Variants in PTGR3 observed in about 807,000 individuals in gnomAD.
The protein encoded by PTGR3 is prostaglandin reductase 3, also known as zinc binding alcohol dehydrogenase domain containing 2.
the PTGR3 span, among the ~76,000 whole-genome samples, chr18:75,206,066 CTCTT>C: frequency 1.3e-5 from 2 of 152,194 alleles, no homozygotes; most frequent in Non-Finnish European, 2.9e-5. Flanking sequence ...GTCTCTCTCT[CTCTT>C]TTTCTTTTCT....
At chr18:75,208,111 G>A in the PTGR3 span, among the ~76,000 whole-genome samples, 2 of 152,144 alleles carry the variant, frequency 1.3e-5, no homozygotes, top group South Asian at 4.1e-4. Flanking sequence ...GGGAGCGCGG[G>A]GAATGGAAAA....
the PTGR3 span, chr18:75,205,607 G>T: frequency 1.3e-5 from 7 of 544,466 alleles, no homozygotes; most frequent in Non-Finnish European, 1.6e-5. Context: ...CTGCGCAGGG[G>T]AGAGGAACGC....
chr18:75,204,553 T>A, the PTGR3 span, among the ~76,000 whole-genome samples: 1 of 152,136 alleles, frequency 6.6e-6, no homozygotes, highest in South Asian at 2.1e-4. Flanking sequence ...CGCGTGCCCG[T>A]CCAGGCTCCG....
chr18:75,202,105 C>T, the PTGR3 span: 25 of 1,614,086 alleles, frequency 1.5e-5, no homozygotes, highest in Admixed American at 2.3e-4. Flanking sequence ...GTAAGATACT[C>T]GGGTTTCACT....
the PTGR3 span, among the ~76,000 whole-genome samples, chr18:75,206,968 G>T: frequency 6.6e-6 from 1 of 152,192 alleles, no homozygotes; most frequent in African/African-American, 2.4e-5. Flanking sequence ...CTCCCCAGGG[G>T]AGAACTTGCC....
At chr18:75,201,590 G>A in the PTGR3 span, 4 of 1,614,128 alleles carry the variant, frequency 2.5e-6, no homozygotes, top group Admixed American at 1.7e-5. Flanking sequence ...CACACATCTC[G>A]AGCAAGTGGC....
the PTGR3 span, chr18:75,201,700 C>T: frequency 2.5e-6 from 4 of 1,614,210 alleles, no homozygotes; most frequent in East Asian, 2.2e-5. Context: ...CCTGCTTTCA[C>T]AGGCGAAAGG....
chr18:75,196,360 G>C, the PTGR3 span: 1 of 151,992 alleles, frequency 6.6e-6, no homozygotes, highest in South Asian at 2.1e-4. Context: ...CAGTATGGTG[G>C]CTCATGCCTG....
At chr18:75,197,632 T>G in the PTGR3 span, 1 of 152,318 alleles carries the variant, frequency 6.6e-6, no homozygotes, top group Admixed American at 6.5e-5. Flanking sequence ...AGTTTTGTAT[T>G]TTGACTTCTG....
At chr18:75,208,777 T>C in the PTGR3 span, 1 of 1,286,578 alleles carries the variant, frequency 7.8e-7, no homozygotes, top group Non-Finnish European at 9.9e-7. Flanking sequence ...GGCTGGGGAC[T>C]GCGGGAGCGG....
chr18:75,208,709 G>A, the PTGR3 span: 1 of 936,762 alleles, frequency 1.1e-6, no homozygotes, highest in Non-Finnish European at 1.4e-6. Flanking sequence ...AACTTCCCGG[G>A]ATCTCGCAAA....
the PTGR3 span, among the ~76,000 whole-genome samples, chr18:75,207,768 G>A: frequency 6.6e-6 from 1 of 152,210 alleles, no homozygotes; most frequent in Non-Finnish European, 1.5e-5. Flanking sequence ...GCTGCATCAA[G>A]CTACTTAGGA....
the PTGR3 span, among the ~76,000 whole-genome samples, chr18:75,204,392 G>T: frequency 2.6e-5 from 4 of 152,250 alleles, no homozygotes; most frequent in African/African-American, 9.6e-5. Context: ...GTTTGGGAGG[G>T]GGGAGTGGGG....
chr18:75,204,354 C>A, the PTGR3 span, among the ~76,000 whole-genome samples: 2 of 152,238 alleles, frequency 1.3e-5, no homozygotes, highest in Non-Finnish European at 2.9e-5. Context: ...AGCGCGCACA[C>A]GCGCTGGACC....
the PTGR3 span, chr18:75,205,448 T>C: frequency 2.0e-6 from 2 of 985,224 alleles, no homozygotes; most frequent in Non-Finnish European, 1.2e-6. Context: ...GAGGATCCAC[T>C]TAAAAGACTA....
chr18:75,202,030 TC>T, the PTGR3 span: 1 of 1,614,020 alleles, frequency 6.2e-7, no homozygotes, highest in East Asian at 2.2e-5. Flanking sequence ...AAAACTTTTT[TC>T]CCTTCCGACA....
chr18:75,196,502 T>A, the PTGR3 span: 1 of 151,450 alleles, frequency 6.6e-6, no homozygotes, highest in Admixed American at 6.6e-5. Flanking sequence ...CATGGTGATG[T>A]GCACCTGTAG....
chr18:75,208,244 T>C, the PTGR3 span: 1 of 884,922 alleles, frequency 1.1e-6, no homozygotes, highest in Non-Finnish European at 1.4e-6. Flanking sequence ...GCGGCGGTCG[T>C]TAACACTCAG....
chr18:75,201,888 G>C, the PTGR3 span: 6 of 1,614,180 alleles, frequency 3.7e-6, no homozygotes, highest in East Asian at 1.3e-4. Context: ...ATAGTTGATA[G>C]GACGATCACA....
Sources: allele counts gnomAD v4.1 joint callset (sites outside exome capture counted in the v4.1 genomes callset), GRCh38; gene constraint gnomAD v4.1.1; transcripts MANE v1.5; gene names NCBI Gene and HGNC (gene_info 2026-07-23, HGNC 2026-07-21).